SMYD3: variants seen among roughly 807,000 people sequenced by gnomAD.
The protein encoded by SMYD3 is SET and MYND domain containing 3, also known as histone-lysine N-methyltransferase SMYD3.
In SMYD3, 36 loss-of-function variants were observed where a neutral mutation model predicts 57.7. The ratio of observed to expected loss-of-function variants is 0.62; its 90% CI spans 0.48 to 0.82. The LOEUF is 0.82. Among genes scored for constraint, SMYD3 ranks in the 40% least tolerant of loss-of-function variants. The pLI is 0.00. For missense variants in SMYD3, 515 were observed against 538.8 expected (o/e 0.96, Z 0.44); for synonymous variants, 211 against 195.0 (o/e 1.08, Z -0.68).
At chr1:246,455,379 A>T (rs1407018077) in intron 1 of SMYD3, among the ~76,000 whole-genome samples, 1 of 152,244 alleles carries the variant, frequency 6.6e-6, no homozygotes, top group Non-Finnish European at 1.5e-5. Context: ...ACTGGATTGA[A>T]TGTACATCAA....
At chr1:246,305,570 TAAAC>T (rs2064965568) in intron 5 of SMYD3, among the ~76,000 whole-genome samples, 4 of 152,108 alleles carry the variant, frequency 2.6e-5, no homozygotes, top group African/African-American at 9.7e-5. Context: ...CCATGTCAAA[TAAAC>T]AAATAAGGAT....
intron 5 of SMYD3, among the ~76,000 whole-genome samples, chr1:246,046,862 G>C (rs970691470): frequency 2.6e-5 from 4 of 151,198 alleles, no homozygotes; most frequent in African/African-American, 9.7e-5. Flanking sequence ...CTGTACCAGA[G>C]ATAAACAGCT....
chr1:246,322,378 A>C (rs1323530828), intron 5 of SMYD3: 1 of 151,952 alleles, frequency 6.6e-6, no homozygotes, highest in Non-Finnish European at 1.5e-5. Flanking sequence ...AAAGAGGGGG[A>C]AAAAAATCTC....
Position 245,876,209 on chromosome 1 carries a change from C to A in SMYD3, c.814-12323G>T, listed in dbSNP as rs911531344. 1.6e-3 allele frequency among the ~76,000 whole-genome samples: 243 copies of A among 152,210 alleles called. 2 individuals carry two copies. Among genetic ancestry groups the A allele is most frequent in the African/African-American group, 5.5e-3 (228 of 41,536 alleles). On this transcript the variant is annotated intron_variant, in intron 8 of 11. Coordinates refer to ENST00000490107, the MANE Select transcript of SMYD3 (RefSeq NM_001167740.2). ...TCCGACTTTCCCTCAAACTGCAGAC[C>A]TGTTGTTCCTCCAGCTTTGTCTCTC...
chr1:246,302,225 C>T (rs915221067), intron 5 of SMYD3, among the ~76,000 whole-genome samples: 1 of 152,220 alleles, frequency 6.6e-6, no homozygotes, highest in South Asian at 2.1e-4. Context: ...TGTCTTGCCA[C>T]CCTAAGAAGA....
intron 1 of SMYD3, among the ~76,000 whole-genome samples, chr1:246,416,032 G>C (rs1024176595): frequency 6.6e-6 from 1 of 152,142 alleles, no homozygotes; most frequent in Non-Finnish European, 1.5e-5. Context: ...GGAACTGTGG[G>C]TTTTGCCATT....
At chr1:246,433,645 A>G (rs1162743559) in intron 1 of SMYD3, among the ~76,000 whole-genome samples, 2 of 152,250 alleles carry the variant, frequency 1.3e-5, no homozygotes, top group Non-Finnish European at 2.9e-5. Flanking sequence ...TGGGTGACAC[A>G]GCAAGGCTGG....
chr1:245,960,652 G>C (rs2147985992), intron 5 of SMYD3, among the ~76,000 whole-genome samples: 1 of 152,246 alleles, frequency 6.6e-6, no homozygotes, highest in South Asian at 2.1e-4. Context: ...ACTTGAGCCT[G>C]GGAGGTGGAG....
Position 246,133,619 on chromosome 1 carries a change from T to C in SMYD3, c.531+193582A>G, listed in dbSNP as rs575351641. Among the ~76,000 whole-genome samples the C allele has an allele frequency of 1.9e-4, 29 of 152,204 alleles. No individual in the cohort carries two copies. In the South Asian group the frequency reaches 3.5e-3, roughly 18 times the overall value. On this transcript the variant is annotated intron_variant, in intron 5 of 11. Transcript: ENST00000490107. The stretch of plus-strand genomic sequence containing the variant: ...ATCTTCTTGATATATGTCATCACGA[T>C]TGGCTGATACTAACGGAAGCAGGGG...
chr1:246,326,534 G>C, intron 5 of SMYD3: 1 of 507,270 alleles, frequency 2.0e-6, no homozygotes, highest in Non-Finnish European at 3.4e-6. Flanking sequence ...AGCACTTTGG[G>C]AGGCCGAGGC....
At chr1:245,917,660 A>G (rs2055539065) in intron 7 of SMYD3, among the ~76,000 whole-genome samples, 5 of 152,186 alleles carry the variant, frequency 3.3e-5, no homozygotes, top group Admixed American at 2.6e-4. Flanking sequence ...TCAATGCCCT[A>G]TTAAGAGTAA....
At chr1:245,810,115 C>G (rs1384277211) in intron 10 of SMYD3, among the ~76,000 whole-genome samples, 1 of 152,180 alleles carries the variant, frequency 6.6e-6, no homozygotes, top group Non-Finnish European at 1.5e-5. Context: ...CAGGAGGCGG[C>G]CTTGTCTCTT....
intron 5 of SMYD3, among the ~76,000 whole-genome samples, chr1:246,109,431 C>G (rs2061190397): frequency 6.6e-6 from 1 of 152,108 alleles, no homozygotes; most frequent in Non-Finnish European, 1.5e-5. Context: ...CAAGGGAAAA[C>G]AACGTTAGTA....
chr1:245,856,819 C>T (rs535130145), intron 10 of SMYD3, among the ~76,000 whole-genome samples: 59 of 152,248 alleles, frequency 3.9e-4, no homozygotes, highest in African/African-American at 1.2e-3. Flanking sequence ...CCAGCAGCTG[C>T]TGTTGGGGGC....
chr1:245,890,435 AT>A (rs1346175087), intron 8 of SMYD3, among the ~76,000 whole-genome samples: 1 of 152,194 alleles, frequency 6.6e-6, no homozygotes, highest in East Asian at 1.9e-4. Context: ...CTAAATAAAC[AT>A]TTCTCAAAAG....
intron 1 of SMYD3, among the ~76,000 whole-genome samples, chr1:246,407,940 AG>A (rs2066894082): frequency 6.6e-6 from 1 of 151,854 alleles, no homozygotes; most frequent in African/African-American, 2.4e-5. Flanking sequence ...TCAGCGTCTG[AG>A]AGCTCACTGC....
intron 5 of SMYD3, among the ~76,000 whole-genome samples, chr1:245,967,791 C>T (rs1255195007): frequency 2.0e-5 from 3 of 152,172 alleles, no homozygotes; most frequent in Non-Finnish European, 4.4e-5. Flanking sequence ...CAGATAATTC[C>T]ATTTGCGACT....
chr1:246,396,540 T>C (rs2066675816), intron 1 of SMYD3, among the ~76,000 whole-genome samples: 2 of 152,170 alleles, frequency 1.3e-5, no homozygotes, highest in Non-Finnish European at 2.9e-5. Flanking sequence ...TTATGCAACA[T>C]CGGTTTATTT....
At chr1:246,310,685 T>C (rs967808786) in intron 5 of SMYD3, among the ~76,000 whole-genome samples, 25 of 96,300 alleles carry the variant, frequency 2.6e-4, no homozygotes, top group Admixed American at 1.0e-3. Flanking sequence ...TTTTTTTTTT[T>C]CTGAGAGGGA....
Sources: gnomAD v4.1 joint callset for allele counts (sites outside exome capture counted in the v4.1 genomes callset) on GRCh38, gnomAD v4.1.1 for gene constraint, MANE v1.5 for transcripts, NCBI Gene and HGNC (gene_info 2026-07-23, HGNC 2026-07-21) for gene names.